GLYATL3: variants seen among roughly 807,000 people sequenced by gnomAD.
GLYATL3 encodes the protein glycine N-acyltransferase-like protein 3.
In GLYATL3, 31 loss-of-function variants were observed where a neutral mutation model predicts 28.5. The ratio of observed to expected loss-of-function variants is 1.09; its 90% confidence interval spans 0.82 to 1.47. GLYATL3 has a LOEUF of 1.47. Ranked by LOEUF, GLYATL3 falls within the 40% of genes most tolerant of loss-of-function variation. The pLI is 0.00. For missense variants in GLYATL3, 369 were observed against 351.5 expected (o/e 1.05, Z -0.40); for synonymous variants, 141 against 140.2 (o/e 1.01, Z -0.04).
intron 5 of GLYATL3, among the ~76,000 whole-genome samples, chr6:49,524,624 G>A (rs1431375921): frequency 6.6e-6 from 1 of 152,086 alleles, no homozygotes; most frequent in Non-Finnish European, 1.5e-5. Context: ...TACAAATACT[G>A]CCAATGGAAA....
At chr6:49,505,774 A>G (rs1289117848) in intron 1 of GLYATL3, among the ~76,000 whole-genome samples, 2 of 152,208 alleles carry the variant, frequency 1.3e-5, no homozygotes, top group Non-Finnish European at 2.9e-5. Context: ...CATTTGATCA[A>G]GATATATTGA....
chr6:49,511,416 C>G (rs1769119916), intron 1 of GLYATL3, among the ~76,000 whole-genome samples: 1 of 152,098 alleles, frequency 6.6e-6, no homozygotes, highest in Non-Finnish European at 1.5e-5. Context: ...TCATAACGAC[C>G]CGACCCACTC....
At chr6:49,502,515 G>A (rs1287302416) in intron 1 of GLYATL3, among the ~76,000 whole-genome samples, 1 of 152,176 alleles carries the variant, frequency 6.6e-6, no homozygotes, top group Non-Finnish European at 1.5e-5. Context: ...AAAATCAGAA[G>A]TATTCCAATC....
At chr6:49,500,217 T>A (rs1223240365) in intron 1 of GLYATL3, among the ~76,000 whole-genome samples, 175 bp downstream of exon 1, 1 of 152,086 alleles carries the variant, frequency 6.6e-6, no homozygotes, top group Admixed American at 6.6e-5. Flanking sequence ...TTGTTTGGGG[T>A]TTTTTTAACT....
intron 4 of GLYATL3, among the ~76,000 whole-genome samples, chr6:49,519,333 G>C (rs1290729956): frequency 6.6e-5 from 10 of 152,174 alleles, no homozygotes; most frequent in Non-Finnish European, 1.0e-4. Flanking sequence ...GTTTGGTGGG[G>C]ACAAATGTGA....
chr6:49,503,522 A>G lies in GLYATL3; in HGVS notation c.-29+3480A>G, dbSNP rs138393217. 3.9e-3 allele frequency among the ~76,000 whole-genome samples: 587 copies of G among 152,340 alleles called. 6 individuals are homozygous for G. Among genetic ancestry groups the G allele is most frequent in the African/African-American group, 0.013 (552 of 41,578 alleles). On this transcript the variant is annotated intron_variant, in intron 1 of 5. Transcript: ENST00000371197. ...TGTCACTACTTTTTTGATAAGTAAT[A>G]TCATAGAGAAAGTGTTGACAATCTC...
chr6:49,526,465 G>T, intron 5 of GLYATL3, 23 bp from the exon 6 acceptor site: 3 of 1,542,584 alleles, frequency 1.9e-6, no homozygotes, highest in Middle Eastern at 3.4e-4. Flanking sequence ...GGTCCTATTT[G>T]TTTTTGTGTC....
At position 49,517,426 on chromosome 6, in the gene GLYATL3, C is replaced by T; in HGVS notation, c.187-4C>T. The T allele has an allele frequency of 6.5e-7, 1 of 1,531,330 alleles. No homozygotes were observed. The highest frequency in any genetic ancestry group is 8.8e-7 in the Non-Finnish European group (1 of 1,137,838). The allele number at this position is 1,531,330 out of a possible 1,614,324, so 94.9% of individuals were successfully genotyped here. ...TGTTTTTGTGATTATGTCTTCTGTCCTAGGCTGAGACAGATAACCTTGATC... is the reference window on the plus strand; with the variant it reads ...TGTTTTTGTGATTATGTCTTCTGTCTTAGGCTGAGACAGATAACCTTGATC... On this transcript the variant is annotated splice_polypyrimidine_tract_variant and splice_region_variant and intron_variant, in intron 3 of 5. Coordinates refer to ENST00000371197, the MANE Select transcript of GLYATL3 (RefSeq NM_001010904.2).
At chr6:49,507,578 G>GCATACC (rs1319057006) in intron 1 of GLYATL3, among the ~76,000 whole-genome samples, 2 of 152,282 alleles carry the variant, frequency 1.3e-5, no homozygotes, top group African/African-American at 2.4e-5. Flanking sequence ...AGTTGGAAAA[G>GCATACC]CATACCCAGG....
At chr6:49,517,314 G>T in intron 3 of GLYATL3, 116 bp from the exon 4 acceptor site, 1 of 794,480 alleles carries the variant, frequency 1.3e-6, no homozygotes. Flanking sequence ...GTCTAATTTT[G>T]TTAGCCACCT....
rs966263367 is a variant in GLYATL3 at position 49,527,348 on chromosome 6, T to C, written c.*434T>C. On this transcript the variant is annotated 3_prime_UTR_variant, in exon 6 of 6. Transcript: ENST00000371197. Reference sequence around the variant, plus strand: ...CATCATATTCCCCTGTCCCCACTGCTATGTCTCATCAACCTCTGTTCCTAA... The same window carrying C: ...CATCATATTCCCCTGTCCCCACTGCCATGTCTCATCAACCTCTGTTCCTAA... Among the ~76,000 whole-genome samples, 11 of 152,210 alleles carry C rather than the reference T, an allele frequency of 7.2e-5. No individual in the cohort carries two copies. The highest frequency in any genetic ancestry group is 2.7e-4 in the African/African-American group (11 of 41,446).
chr6:49,500,454 A>G (rs755231612), intron 1 of GLYATL3, among the ~76,000 whole-genome samples: 2 of 152,206 alleles, frequency 1.3e-5, no homozygotes, highest in Non-Finnish European at 2.9e-5. Context: ...TAAATATTGT[A>G]TTACATTACA....
At chr6:49,503,623 A>G (rs1250753397) in intron 1 of GLYATL3, among the ~76,000 whole-genome samples, 1 of 152,256 alleles carries the variant, frequency 6.6e-6, no homozygotes, top group Non-Finnish European at 1.5e-5. Flanking sequence ...GAAGAATTAA[A>G]TAACACACTC....
intron 4 of GLYATL3, among the ~76,000 whole-genome samples, chr6:49,521,043 C>T (rs1050384143): frequency 6.6e-6 from 1 of 151,976 alleles, no homozygotes; most frequent in Non-Finnish European, 1.5e-5. Context: ...AGAAACCATA[C>T]CATTTTTGTG....
chr6:49,517,668 CACCTG>C, intron 4 of GLYATL3, 112 bp downstream of exon 4: 1 of 726,762 alleles, frequency 1.4e-6, no homozygotes, highest in Non-Finnish European at 2.1e-6. Flanking sequence ...TATCTATACA[CACCTG>C]TATGTATAAA....
intron 1 of GLYATL3, among the ~76,000 whole-genome samples, chr6:49,503,811 C>T (rs1768958611): frequency 6.6e-6 from 1 of 152,102 alleles, no homozygotes; most frequent in Non-Finnish European, 1.5e-5. Context: ...AAAGAGTGAC[C>T]AGATGGTAGT....
intron 2 of GLYATL3, among the ~76,000 whole-genome samples, chr6:49,513,381 T>C (rs1581868914): frequency 1.3e-5 from 2 of 152,188 alleles, no homozygotes; most frequent in East Asian, 1.9e-4. Context: ...TTGGAAGAGT[T>C]TGTATTTAAC....
chr6:49,513,412 G>C (rs1769156640), intron 2 of GLYATL3, among the ~76,000 whole-genome samples: 1 of 151,986 alleles, frequency 6.6e-6, no homozygotes, highest in Non-Finnish European at 1.5e-5. Context: ...TATTTCAGTT[G>C]GTTCCAAATC....
intron 3 of GLYATL3, 100 bp downstream of exon 3, chr6:49,515,860 AC>A: frequency 1.6e-6 from 1 of 625,586 alleles, no homozygotes; most frequent in Non-Finnish European, 2.8e-6. Context: ...ACATTAGCTT[AC>A]AACACTGTTT....
Sources: allele counts gnomAD v4.1 joint callset (sites outside exome capture counted in the v4.1 genomes callset), GRCh38; gene constraint gnomAD v4.1.1; transcripts MANE v1.5; gene names NCBI Gene and HGNC (gene_info 2026-07-23, HGNC 2026-07-21).